Variants in SV2B observed in about 807,000 individuals in gnomAD.
The protein encoded by SV2B is solute carrier family 22 member B2.
SV2B carries 41 observed loss-of-function variants against 73.9 expected under a neutral mutation model. The ratio of observed to expected loss-of-function variants is 0.56; its 90% confidence interval spans 0.43 to 0.72. SV2B has a LOEUF of 0.72. SV2B is among the 30% of genes least tolerant of loss of function. SV2B has a pLI of 0.00. For synonymous variants in SV2B, 314 were observed against 314.2 expected (o/e 1.00, Z 0.01); for missense variants, 764 against 857.8 (o/e 0.89, Z 1.37).
At chr15:91,247,715 G>C (rs2141594515) in intron 2 of SV2B, among the ~76,000 whole-genome samples, 1 of 152,252 alleles carries the variant, frequency 6.6e-6, no homozygotes, top group South Asian at 2.1e-4. Context: ...AACCTACAGG[G>C]AACAGAAAGG....
At chr15:91,269,640 C>T (rs185023029) in intron 9 of SV2B, among the ~76,000 whole-genome samples, 25 of 152,332 alleles carry the variant, frequency 1.6e-4, no homozygotes, top group African/African-American at 5.8e-4. Context: ...AAAGGAATGG[C>T]TGGGTGAAGC....
intron 1 of SV2B, among the ~76,000 whole-genome samples, chr15:91,181,572 A>G (rs1844839521): frequency 6.6e-6 from 1 of 151,274 alleles, no homozygotes; most frequent in African/African-American, 2.4e-5. Context: ...TGACCTCCTT[A>G]CTCAGAGTCA....
Position 91,229,688 on chromosome 15 carries a change from A to G in SV2B, c.451+2974A>G, listed in dbSNP as rs2046500429. ...TTAATCCATTTAACATGACTAAAAC[A>G]GTACCTGCCCCTAATCAGTGCTCAA... is the stretch of plus-strand genomic sequence containing the variant. On this transcript the variant is annotated intron_variant, in intron 2 of 12. Transcript: ENST00000394232. This position sits in a 1 kb window ranked among gnomAD's most constrained non-coding sequence, Gnocchi z 4.3. Among the ~76,000 whole-genome samples the G allele has an allele frequency of 5.3e-5, 8 of 152,264 alleles. No individual in the cohort carries two copies. The highest frequency in any genetic ancestry group is 5.2e-4 in the Admixed American group (8 of 15,284).
rs1409072615 is a variant in SV2B at position 91,128,759 on chromosome 15, A to G, written c.-392+28396A>G. Reference sequence around the variant, plus strand: ...CTCAGTCCAGAGAGGGCCCTGCCCCACACCCAGAAGGAAGGAATGCTGCCC... The same window carrying G: ...CTCAGTCCAGAGAGGGCCCTGCCCCGCACCCAGAAGGAAGGAATGCTGCCC... On this transcript the variant is annotated intron_variant, in intron 1 of 12. Coordinates refer to ENST00000394232, the MANE Select transcript of SV2B (RefSeq NM_001323032.3). The surrounding 1 kb of genome is among the most constrained non-coding windows in gnomAD (Gnocchi z 4.2). 3 of 152,454 alleles carry G rather than the reference A, an allele frequency of 2.0e-5. No homozygotes were observed. The highest frequency in any genetic ancestry group is 4.4e-5 in the Non-Finnish European group (3 of 68,248). The allele number at this position is 152,454 out of a possible 1,614,324, so 9.4% of individuals were successfully genotyped here.
rs1271783885 is a variant in SV2B, at chr15:91,289,246, T to A, written c.1709-275T>A. Among the ~76,000 whole-genome samples the A allele has an allele frequency of 6.6e-6, 1 of 152,194 alleles. No homozygotes were observed. Among genetic ancestry groups the A allele is most frequent in the Non-Finnish European group, 1.5e-5 (1 of 68,030 alleles). On this transcript the variant is annotated intron_variant, in intron 11 of 12. Coordinates refer to ENST00000394232, the MANE Select transcript of SV2B (RefSeq NM_001323032.3). This position sits in a 1 kb window ranked among gnomAD's most constrained non-coding sequence, Gnocchi z 4.9. ...AAATGCCCCTATCTGCCCCGTCCCG[T>A]CACTCTGAGCTGGGCACCACCTTAG...
intron 9 of SV2B, among the ~76,000 whole-genome samples, chr15:91,277,880 G>T (rs536227686): frequency 6.6e-6 from 1 of 151,830 alleles, no homozygotes; most frequent in Non-Finnish European, 1.5e-5. Flanking sequence ...TTCAGTTATC[G>T]TTCCTAAAGG....
intron 1 of SV2B, among the ~76,000 whole-genome samples, chr15:91,221,693 G>GCGCGCGCACA (rs370290337): frequency 0.019 from 2,717 of 140,120 alleles, 75 homozygotes; most frequent in African/African-American, 0.069. Context: ...AAGCATGTGC[G>GCGCGCGCACA]CACACACACA....
intron 1 of SV2B, among the ~76,000 whole-genome samples, chr15:91,221,587 C>T (rs917840018): frequency 1.3e-5 from 2 of 152,030 alleles, no homozygotes; most frequent in African/African-American, 2.4e-5. Flanking sequence ...AGGAAATGCA[C>T]CACTTGTTCT....
chr15:91,175,716 TA>T, intron 1 of SV2B, among the ~76,000 whole-genome samples: 1 of 151,328 alleles, frequency 6.6e-6, no homozygotes, highest in Non-Finnish European at 1.5e-5. Flanking sequence ...TATATATATA[TA>T]TACATATATG....
intron 1 of SV2B, among the ~76,000 whole-genome samples, chr15:91,146,359 A>G (rs911378817): frequency 3.9e-5 from 6 of 152,120 alleles, no homozygotes; most frequent in African/African-American, 9.7e-5. Flanking sequence ...GCCTTGTAGT[A>G]TGGTTTGAAG....
At position 91,178,944 on chromosome 15, in the gene SV2B, G is replaced by A. The variant is rs993904218; in HGVS notation, c.-391-46929G>A. ...TCTTGCCTTCTGCTAGCTTTTGAAT[G>A]TGTTTGCTCTTGCTTTTCTGGTTCT... On this transcript the variant is annotated intron_variant, in intron 1 of 12. Coordinates refer to ENST00000394232, the MANE Select transcript of SV2B (RefSeq NM_001323032.3). Among the ~76,000 whole-genome samples the A allele has an allele frequency of 1.1e-4, 16 of 151,014 alleles. 1 individual carries two copies. Among genetic ancestry groups the A allele is most frequent in the Admixed American group, 6.6e-4 (10 of 15,144 alleles).
rs1443052477 is a variant in SV2B, at chr15:91,252,493, A to G, written c.757A>G (p.Met253Val). The G allele has an allele frequency of 6.2e-6, 10 of 1,612,518 alleles. No homozygotes were observed. Among genetic ancestry groups the G allele is most frequent in the Non-Finnish European group, 6.8e-6 (8 of 1,179,250 alleles). Residue 253 changes from methionine to valine, a missense_variant, in exon 4 of 13, where the codon ATG becomes GTG. Coordinates refer to ENST00000394232, the MANE Select transcript of SV2B (RefSeq NM_001323032.3). The surrounding 1 kb of genome is among the most constrained non-coding windows in gnomAD (Gnocchi z 4.6). ...WMTGGLYASA[M>V]AWSIIPHYGW... ...GACTGGGGGCCTGTACGCATCTGCC[A>G]TGGCCTGGAGCATCATCCCACACTA...
Position 91,122,715 on chromosome 15 carries a change from C to A in SV2B, c.-392+22352C>A, listed in dbSNP as rs2042373151. Among the ~76,000 whole-genome samples the A allele has an allele frequency of 6.6e-6, 1 of 152,210 alleles. No homozygotes were observed. Among genetic ancestry groups the A allele is most frequent in the South Asian group, 2.1e-4 (1 of 4,826 alleles). On this transcript the variant is annotated intron_variant, in intron 1 of 12. Coordinates refer to ENST00000394232, the MANE Select transcript of SV2B (RefSeq NM_001323032.3). The surrounding 1 kb of genome is among the most constrained non-coding windows in gnomAD (Gnocchi z 4.3). ...AAGACATCTATTGAAATAAGAGCTTCATCCTGGAGGATATTACATTAAATG... is the reference window on the plus strand; with the variant it reads ...AAGACATCTATTGAAATAAGAGCTTAATCCTGGAGGATATTACATTAAATG...
intron 1 of SV2B, among the ~76,000 whole-genome samples, chr15:91,134,337 C>G (rs1043838123): frequency 1.3e-5 from 2 of 152,054 alleles, no homozygotes; most frequent in African/African-American, 4.8e-5. Context: ...TTCTTCTTTC[C>G]CAGGGACCTC....
Position 91,242,020 on chromosome 15 carries a change from G to A in SV2B, c.452-9799G>A, listed in dbSNP as rs2141566713. ...CTCGCCTCTTCAGAAACCTGCTCTT[G>A]TCTAGATCACTCTTGGCCTCCACTT... On this transcript the variant is annotated intron_variant, in intron 2 of 12. Transcript: ENST00000394232. The surrounding 1 kb of genome is among the most constrained non-coding windows in gnomAD (Gnocchi z 4.9). 6.6e-6 allele frequency among the ~76,000 whole-genome samples: 1 copy of A among 151,700 alleles called. No homozygotes were observed. The highest frequency in any genetic ancestry group is 1.9e-4 in the East Asian group (1 of 5,166).
At chr15:91,114,838 C>G (rs1198164418) in intron 1 of SV2B, among the ~76,000 whole-genome samples, 1 of 152,136 alleles carries the variant, frequency 6.6e-6, no homozygotes, top group Non-Finnish European at 1.5e-5. Flanking sequence ...CGGGAAGTTC[C>G]CACTCTGTCT....
chr15:91,219,649 C>T (rs1340692631), intron 1 of SV2B, among the ~76,000 whole-genome samples: 3 of 152,250 alleles, frequency 2.0e-5, no homozygotes, highest in East Asian at 1.9e-4. Flanking sequence ...ATAAAATCCA[C>T]TCATTGTAAG....
At chr15:91,184,561 C>T (rs963300874) in intron 1 of SV2B, among the ~76,000 whole-genome samples, 19 of 152,158 alleles carry the variant, frequency 1.2e-4, no homozygotes, top group African/African-American at 3.6e-4. Context: ...TGCTGCCTTT[C>T]GACTCATCAC....
chr15:91,184,356 C>T (rs559329483), intron 1 of SV2B, among the ~76,000 whole-genome samples: 1 of 152,296 alleles, frequency 6.6e-6, no homozygotes, highest in East Asian at 1.9e-4. Flanking sequence ...CTGATCTCTT[C>T]AGGCATATAG....
Sources: gnomAD v4.1 joint callset for allele counts (sites outside exome capture counted in the v4.1 genomes callset) on GRCh38, gnomAD v4.1.1 for gene constraint, Gnocchi (gnomAD v3.1) non-coding constraint, MANE v1.5 for transcripts, NCBI Gene and HGNC (gene_info 2026-07-23, HGNC 2026-07-21) for gene names.